MCU: variants seen among roughly 807,000 people sequenced by gnomAD.
MCU encodes the protein mitochondrial calcium uniporter, also known as calcium uniporter protein, mitochondrial.
Under a neutral mutation model 45.2 loss-of-function variants are expected in MCU, and 12 were observed. The ratio of observed to expected loss-of-function variants is 0.27; its 90% CI spans 0.17 to 0.43. MCU has a LOEUF of 0.43. Ranked by LOEUF, MCU falls within the 20% of genes least tolerant of loss-of-function variation. MCU has a pLI of 1.00. For missense variants in MCU, 324 were observed against 436.7 expected (o/e 0.74, Z 2.30); for synonymous variants, 160 against 165.1 (o/e 0.97, Z 0.24).
chr10:72,878,273 A>G (rs1018513790), intron 6 of MCU, among the ~76,000 whole-genome samples: 2 of 151,618 alleles, frequency 1.3e-5, no homozygotes, highest in Admixed American at 1.3e-4. Flanking sequence ...ACATATCACC[A>G]TGCCCAGCTA....
intron 5 of MCU, among the ~76,000 whole-genome samples, chr10:72,869,365 A>C (rs986997555): frequency 5.3e-5 from 8 of 152,250 alleles, no homozygotes; most frequent in Non-Finnish European, 1.5e-5. Context: ...CAGGCAGATC[A>C]CCTGAGGTCA....
At chr10:72,856,617 T>A (rs990769477) in intron 2 of MCU, among the ~76,000 whole-genome samples, 4 of 152,022 alleles carry the variant, frequency 2.6e-5, no homozygotes, top group African/African-American at 9.7e-5. Flanking sequence ...AATGTAATTT[T>A]TGACTCTTAC....
chr10:72,804,058 ATAT>A (rs1844387678), intron 1 of MCU, among the ~76,000 whole-genome samples: 1 of 80,280 alleles, frequency 1.2e-5, no homozygotes, highest in Non-Finnish European at 2.4e-5. Context: ...ATATATATAT[ATAT>A]ATATATATAT....
At chr10:72,848,119 G>A (rs953846370) in intron 2 of MCU, among the ~76,000 whole-genome samples, 1 of 152,144 alleles carries the variant, frequency 6.6e-6, no homozygotes, top group Non-Finnish European at 1.5e-5. Context: ...CCTGACTTCT[G>A]ATGGTTCAAC....
In MCU at chr10:72,887,227, G is replaced by A. The variant is rs890747748; in HGVS notation, c.*1405G>A. On this transcript the variant is annotated 3_prime_UTR_variant, in exon 8 of 8. Transcript: ENST00000373053. Reference sequence around the variant, plus strand: ...TTTTTCTTCCTCCTTTGGGATCATTGTGTATGAAAAGAAAAACTTTAAATG... The same window carrying A: ...TTTTTCTTCCTCCTTTGGGATCATTATGTATGAAAAGAAAAACTTTAAATG... 6 of 152,598 alleles carry A rather than the reference G, an allele frequency of 3.9e-5. No individual in the cohort carries two copies. The highest frequency in any genetic ancestry group is 1.5e-4 in the African/African-American group (6 of 41,366). The allele number at this position is 152,598 out of a possible 1,614,324, so 9.5% of individuals were successfully genotyped here. A position where few individuals can be genotyped will look rare whatever the true frequency, so the allele number is the denominator to read the frequency against.
chr10:72,692,683 CCCT>C, intron 1 of MCU: 4 of 1,214,514 alleles, frequency 3.3e-6, no homozygotes, highest in South Asian at 2.7e-5. Flanking sequence ...TGTCCCCTTT[CCCT>C]CCTCCTCCGG....
chr10:72,875,237 A>C lies in MCU; in HGVS notation c.861+3657A>C, dbSNP rs370156139. On this transcript the variant is annotated intron_variant, in intron 6 of 7. Transcript: ENST00000373053. ...TTATGAGGAGTAACTTTTGAAAACT[A>C]TAATTAGAATAGATACAGAATAGAA... Among the ~76,000 whole-genome samples the C allele has an allele frequency of 6.6e-5, 10 of 152,338 alleles. No individual in the cohort carries two copies. The East Asian group carries it at 1.2e-3, about 18-fold the overall frequency.
At chr10:72,786,638 C>T (rs1220375787) in intron 1 of MCU, among the ~76,000 whole-genome samples, 1 of 151,872 alleles carries the variant, frequency 6.6e-6, no homozygotes, top group Non-Finnish European at 1.5e-5. Flanking sequence ...CCCAGCTACT[C>T]GGGAGATTGA....
At position 72,887,186 on chromosome 10, in the gene MCU, A is replaced by G. The variant is rs921060366; in HGVS notation, c.*1364A>G. ...GTGATTCATCCTTCCTCATTGTGGCAAGGAGTTTCTTTCTCTTTTTCTTCC... is the reference window on the plus strand; with the variant it reads ...GTGATTCATCCTTCCTCATTGTGGCGAGGAGTTTCTTTCTCTTTTTCTTCC... On this transcript the variant is annotated 3_prime_UTR_variant, in exon 8 of 8. Coordinates refer to ENST00000373053, the MANE Select transcript of MCU (RefSeq NM_138357.3). 1 of 152,630 alleles carries G rather than the reference A, an allele frequency of 6.6e-6. No individual in the cohort carries two copies. Among genetic ancestry groups the G allele is most frequent in the Non-Finnish European group, 1.5e-5 (1 of 68,034 alleles). The allele number at this position is 152,630 out of a possible 1,614,324, so 9.5% of individuals were successfully genotyped here. A position where few individuals can be genotyped will look rare whatever the true frequency, so the allele number is the denominator to read the frequency against.
intron 1 of MCU, among the ~76,000 whole-genome samples, chr10:72,809,041 C>T (rs1844498413): frequency 6.6e-6 from 1 of 152,200 alleles, no homozygotes; most frequent in Non-Finnish European, 1.5e-5. Context: ...TGAAAGTGTT[C>T]TGAAGAGATG....
chr10:72,848,891 A>G (rs767572940), intron 2 of MCU, among the ~76,000 whole-genome samples: 4 of 152,164 alleles, frequency 2.6e-5, no homozygotes, highest in Non-Finnish European at 5.9e-5. Context: ...AAGGACTCCA[A>G]TTACAATGTA....
intron 4 of MCU, among the ~76,000 whole-genome samples, chr10:72,862,382 C>T (rs1251138295): frequency 6.6e-6 from 1 of 152,160 alleles, no homozygotes; most frequent in African/African-American, 2.4e-5. Flanking sequence ...CCACCAGCCC[C>T]ATAGGACAGC....
intron 2 of MCU, among the ~76,000 whole-genome samples, chr10:72,838,365 G>A (rs1844987414): frequency 6.6e-6 from 1 of 152,154 alleles, no homozygotes. Context: ...TGTAAACCCA[G>A]CACTTTGGGA....
chr10:72,700,058 AT>A (rs71021525), intron 1 of MCU, among the ~76,000 whole-genome samples: 289 of 135,354 alleles, frequency 2.1e-3, no homozygotes, highest in South Asian at 8.6e-3. Context: ...TTGGGGTCAA[AT>A]TTTTTTTTTT....
chr10:72,841,743 G>T (rs1311254986), intron 2 of MCU, among the ~76,000 whole-genome samples: 5 of 152,098 alleles, frequency 3.3e-5, no homozygotes, highest in Non-Finnish European at 7.4e-5. Flanking sequence ...TCTTTCACTG[G>T]CACATCCTGG....
At chr10:72,860,601 G>C in intron 4 of MCU, 74 bp downstream of exon 4, 1 of 1,181,412 alleles carries the variant, frequency 8.5e-7, no homozygotes, top group East Asian at 2.4e-5. Context: ...TTTTTTCCTT[G>C]GGTAACCTTG....
Position 72,886,436 on chromosome 10 carries a change from TTTAGA to T in MCU, c.*618_*622del, listed in dbSNP as rs1845776402. 1 of 152,398 alleles carries T rather than the reference TTTAGA, an allele frequency of 6.6e-6. No individual in the cohort carries two copies. The highest frequency in any genetic ancestry group is 2.1e-4 in the South Asian group (1 of 4,828). The allele number at this position is 152,398 out of a possible 1,614,324, so 9.4% of individuals were successfully genotyped here. A position where few individuals can be genotyped will look rare whatever the true frequency, so the allele number is the denominator to read the frequency against. ...CTTATAACTGTTTAATAATTGACAC[TTTAGA>T]TTATCTCTTAATACCTTCTTAAATG... On this transcript the variant is annotated 3_prime_UTR_variant, in exon 8 of 8. Transcript: ENST00000373053.
At chr10:72,734,043 G>C (rs981358140) in intron 1 of MCU, among the ~76,000 whole-genome samples, 3 of 152,124 alleles carry the variant, frequency 2.0e-5, no homozygotes, top group Non-Finnish European at 2.9e-5. Context: ...GAAATTACAA[G>C]TAAGAACTAG....
At chr10:72,789,804 A>G (rs149694464) in intron 1 of MCU, among the ~76,000 whole-genome samples, 95 of 152,202 alleles carry the variant, frequency 6.2e-4, no homozygotes, top group African/African-American at 2.2e-3. Context: ...GGGTTCTGAA[A>G]TTAGATTCAT....
Sources: gnomAD v4.1 joint callset for allele counts (sites outside exome capture counted in the v4.1 genomes callset) on GRCh38, gnomAD v4.1.1 for gene constraint, MANE v1.5 for transcripts, NCBI Gene and HGNC (gene_info 2026-07-23, HGNC 2026-07-21) for gene names.